Variants in TP63 observed in about 807,000 individuals in gnomAD.
TP63 encodes tumor protein 63.
A neutral mutation model predicts 82.8 loss-of-function variants in TP63; 17 were observed. That is an observed-to-expected ratio of 0.21 (90% CI 0.14 to 0.31). TP63 has a LOEUF of 0.31. TP63 is among the 10% of genes least tolerant of loss of function. TP63 has a pLI of 1.00. For missense variants in TP63, 648 were observed against 895.3 expected, an observed-to-expected ratio of 0.72 and a Z score of 3.52; for synonymous variants, 330 against 321.7, an observed-to-expected ratio of 1.03 and a Z score of -0.28.
intron 1 of TP63, among the ~76,000 whole-genome samples, chr3:189,643,461 A>G (rs1712108785): frequency 6.6e-6 from 1 of 151,840 alleles, no homozygotes; most frequent in African/African-American, 2.4e-5. Flanking sequence ...TGATTAAAAA[A>G]AAAAAACCCT....
chr3:189,816,791 G>T (rs1728231852), intron 4 of TP63, among the ~76,000 whole-genome samples: 1 of 152,132 alleles, frequency 6.6e-6, no homozygotes, highest in Non-Finnish European at 1.5e-5. Context: ...AGGCGTAAAG[G>T]TAATGATCTT....
At chr3:189,802,612 G>A (rs906451769) in intron 3 of TP63, among the ~76,000 whole-genome samples, 4 of 152,172 alleles carry the variant, frequency 2.6e-5, no homozygotes, top group African/African-American at 4.8e-5. Context: ...ACCTTGCCCA[G>A]AGGTACACAG....
upstream of TP63, among the ~76,000 whole-genome samples, chr3:189,629,988 G>T (rs891921715): frequency 1.4e-4 from 22 of 152,108 alleles, no homozygotes; most frequent in Non-Finnish European, 2.1e-4. Flanking sequence ...GGCTCAGGCT[G>T]GCCTGTTTGT....
intron 1 of TP63, among the ~76,000 whole-genome samples, chr3:189,649,208 C>T (rs148246559): frequency 1.0e-4 from 15 of 146,762 alleles, no homozygotes; most frequent in African/African-American, 3.1e-4. Context: ...GGGTTGAAAA[C>T]GATGCTATTC....
intron 4 of TP63, among the ~76,000 whole-genome samples, chr3:189,824,516 A>C (rs550409944): frequency 1.4e-4 from 22 of 152,264 alleles, no homozygotes; most frequent in African/African-American, 5.1e-4. Context: ...TACAGGAGTG[A>C]GCCACCGTGC....
chr3:189,749,704 C>T (rs1009730504), intron 3 of TP63, among the ~76,000 whole-genome samples: 1 of 152,096 alleles, frequency 6.6e-6, no homozygotes, highest in South Asian at 2.1e-4. Flanking sequence ...GGAAAAAAAT[C>T]AGTATATCAA....
rs779893623 is a variant in TP63, at chr3:189,725,187, A to G, written c.63-12553A>G. Among the ~76,000 whole-genome samples, 3 of 152,164 alleles carry G rather than the reference A, an allele frequency of 2.0e-5. No individual in the cohort carries two copies. In the East Asian group the frequency reaches 5.8e-4, roughly 29 times the overall value. On this transcript the variant is annotated intron_variant, in intron 1 of 13. Transcript: ENST00000264731. ...TTGTGTATTTAATTTACTAAAAATGAAATTTACCAGGACAAATAATTAAAA... is the reference window on the plus strand; with the variant it reads ...TTGTGTATTTAATTTACTAAAAATGGAATTTACCAGGACAAATAATTAAAA...
At chr3:189,849,050 T>C (rs952682643) in intron 4 of TP63, among the ~76,000 whole-genome samples, 1 of 152,164 alleles carries the variant, frequency 6.6e-6, no homozygotes, top group African/African-American at 2.4e-5. Flanking sequence ...GGCTAGATAA[T>C]GAAACCTTCA....
chr3:189,811,781 T>A (rs954508585), intron 4 of TP63, among the ~76,000 whole-genome samples: 3 of 152,182 alleles, frequency 2.0e-5, no homozygotes, highest in African/African-American at 4.8e-5. Flanking sequence ...AATCCAGGCC[T>A]CCCTCACCCT....
the TP63 span, among the ~76,000 whole-genome samples, chr3:189,605,455 T>G: frequency 3.0e-4 from 45 of 152,328 alleles, no homozygotes; most frequent in African/African-American, 1.1e-3. Flanking sequence ...GTGCCTTTCT[T>G]TGTGCCTCCA....
chr3:189,758,503 A>G (rs547533913), intron 3 of TP63, among the ~76,000 whole-genome samples: 1 of 152,336 alleles, frequency 6.6e-6, no homozygotes, highest in Middle Eastern at 3.4e-3. Context: ...CCAGAAGTAC[A>G]CCAACATATA....
chr3:189,844,930 T>G (rs536134344), intron 4 of TP63, among the ~76,000 whole-genome samples: 4 of 152,300 alleles, frequency 2.6e-5, no homozygotes, highest in Admixed American at 2.6e-4. Flanking sequence ...CTTTATCTGG[T>G]TCTCTGGCAA....
intron 1 of TP63, among the ~76,000 whole-genome samples, chr3:189,698,248 G>C (rs975177818): frequency 6.6e-6 from 1 of 151,846 alleles, no homozygotes; most frequent in Non-Finnish European, 1.5e-5. Context: ...AATGGATATC[G>C]GATGTTGTCA....
intron 3 of TP63, among the ~76,000 whole-genome samples, chr3:189,761,901 A>T: frequency 6.6e-6 from 1 of 152,172 alleles, no homozygotes; most frequent in South Asian, 2.1e-4. Context: ...TGTGCAGAGA[A>T]ACCCCCGTTT....
chr3:189,601,232 G>A, the TP63 span, among the ~76,000 whole-genome samples: 13 of 152,216 alleles, frequency 8.5e-5, no homozygotes, highest in African/African-American at 2.6e-4. Context: ...AGAATTTCGC[G>A]GGGAGAGGGA....
intron 1 of TP63, among the ~76,000 whole-genome samples, chr3:189,692,530 C>T (rs1006303089): frequency 6.6e-6 from 1 of 151,988 alleles, no homozygotes; most frequent in Admixed American, 6.6e-5. Context: ...TAAAAATAGG[C>T]AGTAATCACA....
At chr3:189,867,455 C>G (rs1022755554) in intron 6 of TP63, among the ~76,000 whole-genome samples, 4 of 152,204 alleles carry the variant, frequency 2.6e-5, no homozygotes, top group Non-Finnish European at 5.9e-5. Flanking sequence ...TTTATCCACA[C>G]AGGGAAAATA....
At position 189,796,773 on chromosome 3, in the gene TP63, A is replaced by G. The variant is rs74677909; in HGVS notation, c.325-11499A>G. On this transcript the variant is annotated intron_variant, in intron 3 of 13. Transcript: ENST00000264731. Reference sequence around the variant, plus strand: ...TAGTTGGTCTGAGAATATAGCACCTATACTATTCAAAAACTATTCTTTTCC... The same window carrying G: ...TAGTTGGTCTGAGAATATAGCACCTGTACTATTCAAAAACTATTCTTTTCC... Among the ~76,000 whole-genome samples the G allele has an allele frequency of 7.7e-3, 1,175 of 152,190 alleles. 18 individuals carry two copies. The highest frequency in any genetic ancestry group is 0.026 in the African/African-American group (1,086 of 41,548).
rs61752082 is a variant in TP63 at position 189,889,413 on chromosome 3, C to G, written c.1581C>G (p.Pro527=). 6.2e-7 allele frequency: 1 copy of G among 1,614,142 alleles called. No individual in the cohort carries two copies. The highest frequency in any genetic ancestry group is 1.7e-5 in the Admixed American group (1 of 60,032). Residue 527 remains proline, a synonymous_variant, in exon 12 of 14, where the codon CCC becomes CCG. Coordinates refer to ENST00000264731, the MANE Select transcript of TP63 (RefSeq NM_003722.5). Reference sequence around the variant, plus strand: ...TCAGCCCCACCCAGGCACTCCCTCCCCCACTCTCCATGCCATCCACCTCCC... The same window carrying G: ...TCAGCCCCACCCAGGCACTCCCTCCGCCACTCTCCATGCCATCCACCTCCC... The part of the protein sequence containing the change: ...NGLSPTQALP[P]PLSMPSTSHC...
Sources: gnomAD v4.1 joint callset for allele counts (sites outside exome capture counted in the v4.1 genomes callset) on GRCh38, gnomAD v4.1.1 for gene constraint, MANE v1.5 for transcripts, NCBI Gene and HGNC (gene_info 2026-07-23, HGNC 2026-07-21) for gene names.